Variants in ADAMTS18 observed in about 807,000 individuals in gnomAD.
ADAMTS18 encodes A disintegrin and metalloproteinase with thrombospondin motifs 18.
A neutral mutation model predicts 165.9 loss-of-function variants in ADAMTS18; 157 were observed. That is an observed-to-expected ratio of 0.95 (90% CI 0.83 to 1.08). The LOEUF is 1.08. Ranked by LOEUF, ADAMTS18 falls within the 50% of genes least tolerant of loss-of-function variation. The probability of loss-of-function intolerance (pLI) is 0.00; values close to 1 mark genes in which losing one functional copy is unlikely to be tolerated. For missense variants in ADAMTS18, 2,040 were observed against 1,534.0 expected (o/e 1.33, Z -5.51); for synonymous variants, 782 against 578.2 (o/e 1.35, Z -5.06).
At chr16:77,434,385 G>A (rs767311888) in intron 2 of ADAMTS18, 33 bp downstream of exon 2, 3 of 1,550,152 alleles carry the variant, frequency 1.9e-6, no homozygotes, top group Middle Eastern at 1.7e-4. Context: ...TGCTGCGAAA[G>A]GCCCTTCTTG....
chr16:77,300,793 G>A (rs536526694), intron 16 of ADAMTS18, among the ~76,000 whole-genome samples: 9 of 152,128 alleles, frequency 5.9e-5, no homozygotes, highest in East Asian at 1.9e-4. Context: ...ACACATAGTC[G>A]TACCCTACAG....
intron 21 of ADAMTS18, among the ~76,000 whole-genome samples, chr16:77,290,308 A>G (rs2055337891): frequency 6.6e-6 from 1 of 152,228 alleles, no homozygotes; most frequent in Non-Finnish European, 1.5e-5. Context: ...CAATATATTA[A>G]GCAAATGAAC....
At chr16:77,413,828 T>G (rs1182784204) in intron 3 of ADAMTS18, among the ~76,000 whole-genome samples, 1 of 128,926 alleles carries the variant, frequency 7.8e-6, no homozygotes, top group Non-Finnish European at 1.7e-5. Flanking sequence ...AAAGCAAAAG[T>G]TAATTAAACT....
At position 77,323,647 on chromosome 16, in the gene ADAMTS18, T is replaced by C. The variant is rs563851032; in HGVS notation, c.2033-1181A>G. ...GAAAGACGGGAAAAAACCTCACTCC[T>C]GTAGCACAGAGATTGTCCACATTTA... On this transcript the variant is annotated intron_variant, in intron 13 of 22. Coordinates refer to ENST00000282849, the MANE Select transcript of ADAMTS18 (RefSeq NM_199355.4). Among the ~76,000 whole-genome samples, 154 of 152,166 alleles carry C rather than the reference T, an allele frequency of 1.0e-3. 2 individuals are homozygous for C. The highest frequency in any genetic ancestry group is 1.9e-3 in the Non-Finnish European group (132 of 67,994).
At chr16:77,314,968 G>A in intron 16 of ADAMTS18, among the ~76,000 whole-genome samples, 1 of 150,260 alleles carries the variant, frequency 6.7e-6, no homozygotes, top group East Asian at 2.0e-4. Context: ...TAAGAAACTT[G>A]CCTAAGTTAT....
chr16:77,383,046 C>T (rs561552937), intron 3 of ADAMTS18, among the ~76,000 whole-genome samples: 2 of 152,292 alleles, frequency 1.3e-5, no homozygotes, highest in East Asian at 3.9e-4. Flanking sequence ...TGGCATTATG[C>T]AGTTAAGAAT....
intron 22 of ADAMTS18, among the ~76,000 whole-genome samples, chr16:77,286,979 T>A (rs2055265866): frequency 6.6e-6 from 1 of 152,192 alleles, no homozygotes; most frequent in African/African-American, 2.4e-5. Flanking sequence ...ATACAATGAC[T>A]GCCCCTAGAC....
At position 77,319,973 on chromosome 16, in the gene ADAMTS18, C is replaced by T. The variant is rs201737996; in HGVS notation, c.2408G>A (p.Gly803Asp). 9 of 1,614,184 alleles carry T rather than the reference C, an allele frequency of 5.6e-6. 1 individual carries two copies. The highest frequency in any genetic ancestry group is 4.4e-5 in the South Asian group (4 of 91,080). ...SLSQKYYLTG[G>D]WSIDWPGEFP... ...CTCCCCAGGCCAGTCGATGCTCCAG[C>T]CCCCGGTGAGGTAATACTTTTGACT... Residue 803 changes from glycine to aspartate, a missense_variant, in exon 16 of 23, where the codon GGC (glycine) becomes GAC (aspartate). Transcript: ENST00000282849.
chr16:77,371,523 T>C (rs2880522), intron 3 of ADAMTS18, among the ~76,000 whole-genome samples: 2,290 of 152,044 alleles, frequency 0.015, 52 homozygotes, highest in African/African-American at 0.052. Context: ...AAAAACACAG[T>C]GGGGAAAGGA....
chr16:77,371,481 T>C (rs534195289), intron 3 of ADAMTS18, among the ~76,000 whole-genome samples: 125 of 152,052 alleles, frequency 8.2e-4, no homozygotes, highest in Non-Finnish European at 1.5e-3. Flanking sequence ...AATCTACTCA[T>C]CTACAGCCTA....
chr16:77,401,439 G>C (rs1256706266), intron 3 of ADAMTS18, among the ~76,000 whole-genome samples: 2 of 152,132 alleles, frequency 1.3e-5, no homozygotes, highest in African/African-American at 4.8e-5. Context: ...CCATTTCAGA[G>C]ATATAGAAAG....
chr16:77,380,318 T>C (rs1383282888), intron 3 of ADAMTS18, among the ~76,000 whole-genome samples: 2 of 152,228 alleles, frequency 1.3e-5, no homozygotes, highest in East Asian at 3.8e-4. Context: ...CAGCTCTTAA[T>C]AGATATTAAT....
chr16:77,393,388 T>C (rs2057215499), intron 3 of ADAMTS18, among the ~76,000 whole-genome samples: 1 of 152,184 alleles, frequency 6.6e-6, no homozygotes, highest in Non-Finnish European at 1.5e-5. Flanking sequence ...CTGTTACACA[T>C]GAACGAATGG....
chr16:77,336,720 G>A (rs1002531753), intron 11 of ADAMTS18, among the ~76,000 whole-genome samples: 1 of 152,140 alleles, frequency 6.6e-6, no homozygotes, highest in Non-Finnish European at 1.5e-5. Flanking sequence ...TCCTGGCTTT[G>A]CTGGTCATCT....
intron 3 of ADAMTS18, among the ~76,000 whole-genome samples, chr16:77,386,571 C>T (rs13330085): frequency 0.016 from 2,509 of 152,256 alleles, 62 homozygotes; most frequent in African/African-American, 0.058. Flanking sequence ...TCCAGTTCAT[C>T]AAAGCCCTAC....
At position 77,353,811 on chromosome 16, in the gene ADAMTS18, T is replaced by C. The variant is rs1354295996; in HGVS notation, c.1536A>G (p.Gly512=). The change falls in exon 10 of 23, where the codon GGA becomes GGG. Residue 512 remains glycine (G), a synonymous_variant. Transcript: ENST00000282849. Reference sequence around the variant, plus strand: ...ACTGTGTGTCAGCATCATAAATCTGTCCTGGTAGTTTGTCCGGATATTTAT... The same window carrying C: ...ACTGTGTGTCAGCATCATAAATCTGCCCTGGTAGTTTGTCCGGATATTTAT... ...GQYKYPDKLP[G]QIYDADTQCK... The C allele has an allele frequency of 1.9e-6, 3 of 1,614,188 alleles. No homozygotes were observed. The highest frequency in any genetic ancestry group is 3.3e-5 in the Admixed American group (2 of 60,024).
At chr16:77,421,135 A>C (rs1186441488) in intron 3 of ADAMTS18, among the ~76,000 whole-genome samples, 1 of 152,226 alleles carries the variant, frequency 6.6e-6, no homozygotes, top group Non-Finnish European at 1.5e-5. Flanking sequence ...AATAAGGGGC[A>C]GATAAAATAT....
intron 10 of ADAMTS18, among the ~76,000 whole-genome samples, chr16:77,353,301 T>C (rs896882643): frequency 6.6e-6 from 1 of 152,206 alleles, no homozygotes; most frequent in Non-Finnish European, 1.5e-5. Flanking sequence ...CTTGAATTTA[T>C]AGACAATATT....
chr16:77,326,217 T>C (rs62044893), intron 12 of ADAMTS18, among the ~76,000 whole-genome samples, 179 bp from the exon 13 acceptor site: 53,958 of 151,734 alleles, frequency 0.36, 11,061 homozygotes, highest in East Asian at 0.88. Flanking sequence ...TTCTTGAATC[T>C]AGGCTAGACA....
Sources: gnomAD v4.1 joint callset for allele counts (sites outside exome capture counted in the v4.1 genomes callset) on GRCh38, gnomAD v4.1.1 for gene constraint, MANE v1.5 for transcripts, NCBI Gene and HGNC (gene_info 2026-07-23, HGNC 2026-07-21) for gene names.